The following ARHGAP15 variants were observed in gnomAD, a reference collection of about 807,000 sequenced individuals.
ARHGAP15 encodes the protein Rho GTPase activating protein 15.
A neutral mutation model predicts 63.7 loss-of-function variants in ARHGAP15; 51 were observed. That is an observed-to-expected ratio of 0.80 (90% CI 0.64 to 1.01). The LOEUF (loss-of-function observed/expected upper bound fraction) is 1.01. Ranked by LOEUF, ARHGAP15 falls within the 50% of genes least tolerant of loss-of-function variation. The pLI, the probability that ARHGAP15 is intolerant of heterozygous loss-of-function variation, is 0.00. For synonymous variants in ARHGAP15, 191 were observed against 193.8 expected (o/e 0.99, Z 0.12); for missense variants, 560 against 564.6 (o/e 0.99, Z 0.08).
At chr2:143,465,272 A>T (rs1053551430) in intron 8 of ARHGAP15, among the ~76,000 whole-genome samples, 1 of 152,200 alleles carries the variant, frequency 6.6e-6, no homozygotes. Context: ...AAAGAGGAAT[A>T]GTGGGCACTG....
chr2:143,307,587 T>C (rs1683232088), intron 6 of ARHGAP15, among the ~76,000 whole-genome samples: 1 of 152,052 alleles, frequency 6.6e-6, no homozygotes, highest in Non-Finnish European at 1.5e-5. Context: ...AATTGAATAA[T>C]GAGGGAAAGA....
At chr2:143,267,092 C>T (rs1220461191) in intron 6 of ARHGAP15, among the ~76,000 whole-genome samples, 1 of 152,154 alleles carries the variant, frequency 6.6e-6, no homozygotes, top group Non-Finnish European at 1.5e-5. Flanking sequence ...CAACAAAGCA[C>T]AAATGCATAA....
chr2:143,153,831 T>TCC (rs1558779419), intron 1 of ARHGAP15, among the ~76,000 whole-genome samples: 71 of 63,616 alleles, frequency 1.1e-3, no homozygotes, highest in Non-Finnish European at 1.3e-3. Context: ...CTTCTTCTTC[T>TCC]TCTTCTTCTT....
chr2:143,590,350 A>G (rs975062101), intron 11 of ARHGAP15, among the ~76,000 whole-genome samples: 1 of 152,274 alleles, frequency 6.6e-6, no homozygotes, highest in East Asian at 1.9e-4. Context: ...TACCTTGTTT[A>G]GTTGTCCTGT....
At chr2:143,582,148 C>T (rs1447804030) in intron 11 of ARHGAP15, among the ~76,000 whole-genome samples, 1 of 152,152 alleles carries the variant, frequency 6.6e-6, no homozygotes, top group Non-Finnish European at 1.5e-5. Context: ...TATTTGACAG[C>T]TGCTGTCCTG....
intron 13 of ARHGAP15, among the ~76,000 whole-genome samples, chr2:143,726,769 C>G (rs897421407): frequency 6.6e-5 from 10 of 152,170 alleles, no homozygotes; most frequent in African/African-American, 2.4e-4. Context: ...TCATAGTGAA[C>G]CTAACCAAGT....
chr2:143,490,892 C>G (rs570206446), intron 9 of ARHGAP15, among the ~76,000 whole-genome samples: 9 of 151,944 alleles, frequency 5.9e-5, no homozygotes, highest in Admixed American at 5.9e-4. Context: ...CCTCCCAAAG[C>G]GCTGGAATTA....
chr2:143,704,190 G>C (rs1012898779), intron 13 of ARHGAP15, among the ~76,000 whole-genome samples: 1 of 152,286 alleles, frequency 6.6e-6, no homozygotes, highest in South Asian at 2.1e-4. Context: ...TCCACAGTGA[G>C]AGATTTGGAT....
intron 6 of ARHGAP15, among the ~76,000 whole-genome samples, chr2:143,312,939 C>A (rs888512347): frequency 1.2e-4 from 18 of 152,136 alleles, no homozygotes; most frequent in African/African-American, 3.6e-4. Flanking sequence ...AAAACTAAGA[C>A]TGCCCTCTTA....
intron 10 of ARHGAP15, among the ~76,000 whole-genome samples, chr2:143,536,437 T>C (rs1425545050): frequency 6.6e-6 from 1 of 152,028 alleles, no homozygotes; most frequent in Non-Finnish European, 1.5e-5. Context: ...GTTTGTTACA[T>C]ATGTGTACAT....
chr2:143,760,527 A>C (rs1267859155), intron 13 of ARHGAP15, among the ~76,000 whole-genome samples: 1 of 152,170 alleles, frequency 6.6e-6, no homozygotes, highest in Non-Finnish European at 1.5e-5. Context: ...CATCTTATTA[A>C]ATATTCTAAA....
intron 12 of ARHGAP15, among the ~76,000 whole-genome samples, chr2:143,673,784 A>ATGTATATATATAT (rs71404481): frequency 4.4e-5 from 5 of 114,188 alleles, no homozygotes; most frequent in African/African-American, 1.4e-4. Flanking sequence ...ATATATATAT[A>ATGTATATATATAT]AACAACTCCT....
chr2:143,442,544 C>A (rs1045577787), intron 8 of ARHGAP15, among the ~76,000 whole-genome samples: 1 of 152,034 alleles, frequency 6.6e-6, no homozygotes, highest in African/African-American at 2.4e-5. Context: ...GAATTTAAAG[C>A]CTCCGAGCCG....
rs145260808 is a variant in ARHGAP15, at chr2:143,225,061, C to G, written c.297-3520C>G. On this transcript the variant is annotated intron_variant, in intron 4 of 13. Coordinates refer to ENST00000295095, the MANE Select transcript of ARHGAP15 (RefSeq NM_018460.4). Reference sequence around the variant, plus strand: ...ATAATGTAGTTAGGGCTGGCTTCACCGGTGTGCGTCCAGGGCCCCATGCTC... The same window carrying G: ...ATAATGTAGTTAGGGCTGGCTTCACGGGTGTGCGTCCAGGGCCCCATGCTC... 1.4e-4 allele frequency among the ~76,000 whole-genome samples: 22 copies of G among 152,312 alleles called. No homozygotes were observed. The East Asian group carries it at 3.9e-3, about 27-fold the overall frequency.
rs547094826 is a variant in ARHGAP15 at position 143,715,903 on chromosome 2, G to T, written c.1244+12379G>T. Among the ~76,000 whole-genome samples the T allele has an allele frequency of 5.2e-3, 796 of 152,230 alleles. 6 individuals carry two copies. The highest frequency in any genetic ancestry group is 0.014 in the Middle Eastern group (4 of 294). On this transcript the variant is annotated intron_variant, in intron 13 of 13. Transcript: ENST00000295095. ...CATCTTGAGTTTATTTTTAAATATG[G>T]TATAAAGAAGGGGTCCAGTTTCAAT...
intron 5 of ARHGAP15, among the ~76,000 whole-genome samples, chr2:143,244,044 T>C (rs13012336): frequency 0.17 from 25,763 of 152,192 alleles, 2,350 homozygotes; most frequent in Middle Eastern, 0.25. Flanking sequence ...GAAATATTAT[T>C]CCATATGTAC....
At chr2:143,632,524 G>A (rs1680094148) in intron 12 of ARHGAP15, among the ~76,000 whole-genome samples, 8 of 152,010 alleles carry the variant, frequency 5.3e-5, no homozygotes, top group Admixed American at 5.3e-4. Context: ...TAATTAAGGA[G>A]TAAAACAAGT....
At chr2:143,533,271 G>C (rs963753987) in intron 10 of ARHGAP15, 1 of 152,132 alleles carries the variant, frequency 6.6e-6, no homozygotes, top group Non-Finnish European at 1.5e-5. Flanking sequence ...ATTAACGTTG[G>C]AAGAACTCTG....
At chr2:143,229,708 G>T (rs1693365542) in intron 5 of ARHGAP15, among the ~76,000 whole-genome samples, 1 of 152,156 alleles carries the variant, frequency 6.6e-6, no homozygotes. Context: ...AAAACGATGG[G>T]AAGTTCTTTG....
Sources: gnomAD v4.1 joint callset for allele counts (sites outside exome capture counted in the v4.1 genomes callset) on GRCh38, gnomAD v4.1.1 for gene constraint, MANE v1.5 for transcripts, NCBI Gene and HGNC (gene_info 2026-07-23, HGNC 2026-07-21) for gene names.